The following NSF variants were observed in gnomAD, a reference collection of about 807,000 sequenced individuals.
NSF encodes N-ethylmaleimide sensitive factor, vesicle fusing ATPase.
NSF carries 14 observed loss-of-function variants against 50.3 expected under a neutral mutation model. The ratio of observed to expected loss-of-function variants is 0.28; its 90% CI spans 0.18 to 0.44. The LOEUF is 0.44. Ranked by LOEUF, NSF falls within the 20% of genes least tolerant of loss-of-function variation. The probability of loss-of-function intolerance (pLI) is 1.00; values close to 1 mark genes in which losing one functional copy is unlikely to be tolerated. For synonymous variants in NSF, 109 were observed against 175.7 expected, an observed-to-expected ratio of 0.62 and a Z score of 3.00; for missense variants, 218 against 504.3, an observed-to-expected ratio of 0.43 and a Z score of 5.44.
chr17:46,721,720 A>T (rs2058832554), intron 15 of NSF: 1 of 1,606,450 alleles, frequency 6.2e-7, no homozygotes, highest in African/African-American at 1.3e-5. Flanking sequence ...GCCGGCTGCT[A>T]TCTAGTTTGA....
chr17:46,713,819 T>A, intron 14 of NSF, 34 bp from the exon 15 acceptor site: 3 of 1,594,258 alleles, frequency 1.9e-6, no homozygotes, highest in Non-Finnish European at 1.7e-6. Flanking sequence ...TTAGGTTGGC[T>A]TTTTTCCCCT....
chr17:46,721,624 C>T (rs1450271289), intron 15 of NSF: 11 of 1,587,972 alleles, frequency 6.9e-6, no homozygotes, highest in South Asian at 5.5e-5. Context: ...CATCCTTGCC[C>T]GTGAGCTTCT....
chr17:46,742,790 A>G (rs1023568286), intron 17 of NSF, among the ~76,000 whole-genome samples: 2 of 152,174 alleles, frequency 1.3e-5, no homozygotes, highest in African/African-American at 4.8e-5. Context: ...ACCATCGGGG[A>G]GTTGACAGGC....
At chr17:46,661,578 A>ATTGT (rs1222764254) in intron 8 of NSF, among the ~76,000 whole-genome samples, 103 of 41,530 alleles carry the variant, frequency 2.5e-3, no homozygotes, top group African/African-American at 9.3e-3. Context: ...TGTTTGTTTG[A>ATTGT]TTGTTTGTTT....
At chr17:46,746,122 T>G (rs1228014469) in intron 17 of NSF, among the ~76,000 whole-genome samples, 1 of 152,238 alleles carries the variant, frequency 6.6e-6, no homozygotes, top group Non-Finnish European at 1.5e-5. Flanking sequence ...TGCATCTGTC[T>G]TTCTGTGGAA....
At chr17:46,733,736 A>G (rs2058973004) in intron 17 of NSF, among the ~76,000 whole-genome samples, 1 of 152,208 alleles carries the variant, frequency 6.6e-6, no homozygotes, top group Admixed American at 6.5e-5. Context: ...TTGAAGCTCA[A>G]CGATTGGAAA....
At chr17:46,712,604 C>G (rs1382988674) in intron 14 of NSF, among the ~76,000 whole-genome samples, 1 of 152,092 alleles carries the variant, frequency 6.6e-6, no homozygotes, top group Non-Finnish European at 1.5e-5. Context: ...TGTTGAGCAG[C>G]CTGTTGGATA....
chr17:46,676,207 G>A (rs1272573494), intron 9 of NSF, among the ~76,000 whole-genome samples: 1 of 146,448 alleles, frequency 6.8e-6, no homozygotes, highest in African/African-American at 2.7e-5. Flanking sequence ...ATGGAAGCTG[G>A]GAAATCTCCT....
intron 12 of NSF, among the ~76,000 whole-genome samples, chr17:46,697,181 T>C: frequency 6.8e-6 from 1 of 146,900 alleles, no homozygotes; most frequent in Non-Finnish European, 1.5e-5. Context: ...ATCTAAATAA[T>C]GAGCACATGG....
intron 8 of NSF, among the ~76,000 whole-genome samples, chr17:46,657,329 G>A (rs1204887042): frequency 6.7e-6 from 1 of 150,320 alleles, no homozygotes; most frequent in Admixed American, 6.6e-5. Context: ...CACTAAGCAG[G>A]TACTCTGGAA....
chr17:46,747,405 C>G (rs957548072), intron 17 of NSF, among the ~76,000 whole-genome samples: 2 of 152,100 alleles, frequency 1.3e-5, no homozygotes, highest in African/African-American at 4.8e-5. Context: ...CTCAGGCTCC[C>G]AGGTACCTGG....
chr17:46,749,486 C>T (rs765278785), intron 17 of NSF, among the ~76,000 whole-genome samples: 25 of 152,306 alleles, frequency 1.6e-4, no homozygotes, highest in Non-Finnish European at 2.9e-4. Context: ...CATACATACA[C>T]GTCAGTATCT....
intron 17 of NSF, among the ~76,000 whole-genome samples, chr17:46,749,480 C>T (rs1275128989): frequency 6.6e-6 from 1 of 152,212 alleles, no homozygotes; most frequent in Non-Finnish European, 1.5e-5. Context: ...GAATTACATA[C>T]ATACACGTCA....
intron 10 of NSF, among the ~76,000 whole-genome samples, chr17:46,693,389 G>A (rs898434821): frequency 3.9e-5 from 6 of 151,972 alleles, no homozygotes; most frequent in Admixed American, 2.6e-4. Flanking sequence ...AGGCCTTCGG[G>A]GGTCCTCAGA....
intron 17 of NSF, among the ~76,000 whole-genome samples, chr17:46,731,418 G>A (rs544835866): frequency 1.3e-5 from 2 of 152,176 alleles, no homozygotes; most frequent in Admixed American, 1.3e-4. Context: ...AATTGATTTT[G>A]GTGGTGTTGT....
At chr17:46,667,429 G>A (rs1356153803) in intron 8 of NSF, among the ~76,000 whole-genome samples, 4 of 148,126 alleles carry the variant, frequency 2.7e-5, no homozygotes, top group Non-Finnish European at 6.0e-5. Flanking sequence ...TATATGAAAT[G>A]GTGGTGATAG....
chr17:46,601,943 G>A (rs956212376), intron 1 of NSF, among the ~76,000 whole-genome samples: 3 of 146,264 alleles, frequency 2.1e-5, no homozygotes, highest in Non-Finnish European at 4.4e-5. Flanking sequence ...TAGCACTTTG[G>A]GAGGCTGAGG....
intron 15 of NSF, among the ~76,000 whole-genome samples, chr17:46,722,375 G>A (rs531677365): frequency 3.3e-5 from 5 of 152,238 alleles, no homozygotes; most frequent in Non-Finnish European, 5.9e-5. Flanking sequence ...GTGACCTGCT[G>A]TGTGCTATAA....
Position 46,749,806 on chromosome 17 carries a change from C to T in NSF, c.1942C>T (p.Arg648Cys), listed in dbSNP as rs1475423675. 15 of 1,613,992 alleles carry T rather than the reference C, an allele frequency of 9.3e-6. No individual in the cohort carries two copies. The highest frequency in any genetic ancestry group is 5.0e-5 in the Admixed American group (3 of 60,016). ...RKLLIIGTTS[R>C]KDVLQEMEML... ...GCTTCTTATCATTGGGACCACTAGCCGCAAAGATGTCCTTCAGGAGATGGA... is the reference window on the plus strand; with the variant it reads ...GCTTCTTATCATTGGGACCACTAGCTGCAAAGATGTCCTTCAGGAGATGGA... The change falls in exon 18 of 21, where the codon CGC becomes TGC. Residue 648 changes from arginine (R) to cysteine (C), a missense_variant. Physicochemically the swap from Arg to Cys is radical, Grantham distance 180 (BLOSUM62 -3). Coordinates refer to ENST00000398238, the MANE Select transcript of NSF (RefSeq NM_006178.4).
Sources: gnomAD v4.1 joint callset for allele counts (sites outside exome capture counted in the v4.1 genomes callset) on GRCh38, gnomAD v4.1.1 for gene constraint, MANE v1.5 for transcripts, NCBI Gene and HGNC (gene_info 2026-07-23, HGNC 2026-07-21) for gene names.